The following FAM227A variants were observed in gnomAD, a reference collection of about 807,000 sequenced individuals.
FAM227A encodes the protein family with sequence similarity 227 member A, also known as protein FAM227A.
A neutral mutation model predicts 74.7 loss-of-function variants in FAM227A; 80 were observed. The ratio of observed to expected loss-of-function variants is 1.07; its 90% CI spans 0.89 to 1.29. FAM227A has a LOEUF of 1.29. Among genes scored for constraint, FAM227A ranks in the 50% most tolerant of loss-of-function variants. The pLI is 0.00. For synonymous variants in FAM227A, 237 were observed against 241.8 expected, an observed-to-expected ratio of 0.98 and a Z score of 0.19; for missense variants, 654 against 683.4, an observed-to-expected ratio of 0.96 and a Z score of 0.48.
At chr22:38,639,632 A>C (rs1407292978) in intron 4 of FAM227A, 23 bp downstream of exon 4, 1 of 1,551,084 alleles carries the variant, frequency 6.4e-7, no homozygotes. Flanking sequence ...AAAGAGCATC[A>C]AGGCTGAGGG....
At chr22:38,634,198 G>C (rs895395696) in intron 6 of FAM227A, among the ~76,000 whole-genome samples, 5 of 142,562 alleles carry the variant, frequency 3.5e-5, no homozygotes, top group African/African-American at 1.3e-4. Flanking sequence ...CTCCAGCCTG[G>C]GAGACAGAGC....
At chr22:38,646,469 A>G (rs1254331224) in intron 2 of FAM227A, among the ~76,000 whole-genome samples, 2 of 150,242 alleles carry the variant, frequency 1.3e-5, no homozygotes, top group Non-Finnish European at 3.0e-5. Context: ...TCACCGTTTT[A>G]GCTGGGATGG....
rs139339198 is a variant in FAM227A, at chr22:38,632,530, T to G, written c.520-3595A>C. On this transcript the variant is annotated intron_variant, in intron 6 of 16. Coordinates refer to ENST00000535113, the MANE Select transcript of FAM227A (RefSeq NM_001013647.2). ...TGCCAGCCTCCAGAACTGAAAGAAA[T>G]AAATCTCTGTTCTTTATAAATTACC... 4.0e-3 allele frequency among the ~76,000 whole-genome samples: 603 copies of G among 152,198 alleles called. 2 individuals carry two copies. The highest frequency in any genetic ancestry group is 6.8e-3 in the Middle Eastern group (2 of 294).
At chr22:38,603,726 C>A (rs2146235208) in intron 13 of FAM227A, among the ~76,000 whole-genome samples, 1 of 152,184 alleles carries the variant, frequency 6.6e-6, no homozygotes, top group South Asian at 2.1e-4. Flanking sequence ...ATCAGGCCCC[C>A]AGAGGTCACA....
intron 3 of FAM227A, among the ~76,000 whole-genome samples, chr22:38,642,627 A>G (rs2092141106): frequency 6.6e-6 from 1 of 152,212 alleles, no homozygotes; most frequent in South Asian, 2.1e-4. Context: ...AATCCAACAA[A>G]AGGCTGTTAC....
Position 38,628,890 on chromosome 22 carries a change from A to G in FAM227A, c.565T>C (p.Ser189Pro), listed in dbSNP as rs1220435130. 9.1e-6 allele frequency: 14 copies of G among 1,541,462 alleles called. No individual in the cohort carries two copies. In the East Asian group the frequency reaches 3.4e-4, roughly 38 times the overall value. The change falls in exon 7 of 17, where the codon TCT becomes CCT. Residue 189 changes from serine to proline, a missense_variant. Coordinates refer to ENST00000535113, the MANE Select transcript of FAM227A (RefSeq NM_001013647.2). ...CTATCCAGCCAGATGGCTCTTGGAG[A>G]AGAAGAAGAGAGAAACTTCTCTAAT... ...RELEKFLSSS[S>P]PRAIWLDSFW...
chr22:38,608,842 G>A (rs1270622858), intron 11 of FAM227A, among the ~76,000 whole-genome samples: 1 of 132,848 alleles, frequency 7.5e-6, no homozygotes, highest in African/African-American at 2.9e-5. Flanking sequence ...GTTACTCAGG[G>A]TGGAGTACAA....
intron 3 of FAM227A, among the ~76,000 whole-genome samples, chr22:38,640,943 G>A (rs775127332): frequency 3.2e-4 from 49 of 152,048 alleles, no homozygotes; most frequent in Non-Finnish European, 5.7e-4. Flanking sequence ...GCGGTCACAG[G>A]GGTTAGTCTA....
At chr22:38,654,883 G>A (rs1369449990) in intron 1 of FAM227A, among the ~76,000 whole-genome samples, 3 of 151,536 alleles carry the variant, frequency 2.0e-5, no homozygotes, top group Non-Finnish European at 4.4e-5. Flanking sequence ...AGGAGGCGGA[G>A]CTTGCAGTGA....
chr22:38,620,301 G>A lies in FAM227A; in HGVS notation c.959-10C>T, dbSNP rs1569213995. Reference sequence around the variant, plus strand: ...AAAGAAAACTCTCTCCCTATAGAAGGGGAAAAGCTGTTATTAATTCCTCTT... The same window carrying A: ...AAAGAAAACTCTCTCCCTATAGAAGAGGAAAAGCTGTTATTAATTCCTCTT... On this transcript the variant is annotated splice_polypyrimidine_tract_variant and intron_variant, in intron 10 of 16. Coordinates refer to ENST00000535113, the MANE Select transcript of FAM227A (RefSeq NM_001013647.2). The A allele has an allele frequency of 7.1e-6, 11 of 1,541,062 alleles. No homozygotes were observed. In the East Asian group the frequency reaches 2.7e-4, roughly 38 times the overall value.
In FAM227A at chr22:38,579,730, G is replaced by A. The variant is rs2090689747; in HGVS notation, c.*6395C>T. 1 of 151,896 alleles carries A rather than the reference G, an allele frequency of 6.6e-6. No individual in the cohort carries two copies. The highest frequency in any genetic ancestry group is 2.4e-5 in the African/African-American group (1 of 41,328). 9.4% of individuals were successfully genotyped at this position (151,896 alleles called of 1,614,324 possible). A position where few individuals can be genotyped will look rare whatever the true frequency, so the allele number is the denominator to read the frequency against. On this transcript the variant is annotated 3_prime_UTR_variant, in exon 17 of 17. Transcript: ENST00000535113. ...TTCCATAAATCTTGTAATTCCATCT[G>A]TGAATATTTCAGTATATATCTCTAA...
At chr22:38,628,484 A>T in intron 7 of FAM227A, 142 bp from the exon 8 acceptor site, 1 of 653,174 alleles carries the variant, frequency 1.5e-6, no homozygotes, top group Non-Finnish European at 2.7e-6. Flanking sequence ...TTATGAAATA[A>T]TGTGTTCATT....
chr22:38,636,562 G>C lies in FAM227A; in HGVS notation c.408C>G (p.Tyr136Ter), dbSNP rs1013316695. 6.4e-7 allele frequency: 1 copy of C among 1,551,558 alleles called. No individual in the cohort carries two copies. The highest frequency in any genetic ancestry group is 8.7e-7 in the Non-Finnish European group (1 of 1,146,916). ...TGGAGCTGTTGAAGTTGGAATACTG[G>C]TACAGCTCTGCCAGCAGATTTTTAT... The part of the protein sequence containing the change: ...TADKNLLAEL[Y>*]QYSNFNSSKP... The change falls in exon 6 of 17, where the codon TAC becomes TAG. Residue 136 changes from tyrosine (Y) to a stop codon, truncating the protein, a stop_gained. Coordinates refer to ENST00000535113, the MANE Select transcript of FAM227A (RefSeq NM_001013647.2). LOFTEE classifies it high-confidence loss of function.
At chr22:38,607,549 G>A in intron 11 of FAM227A, 73 bp from the exon 12 acceptor site, 1 of 1,050,022 alleles carries the variant, frequency 9.5e-7, no homozygotes, top group African/African-American at 1.6e-5. Context: ...GGCAGTGAGA[G>A]AAATACAAAA....
At chr22:38,611,059 C>T (rs1314944644) in intron 11 of FAM227A, among the ~76,000 whole-genome samples, 3 of 151,034 alleles carry the variant, frequency 2.0e-5, no homozygotes, top group African/African-American at 4.9e-5. Flanking sequence ...GACTCCGTCT[C>T]GAAAAAAGAA....
At chr22:38,595,976 G>A (rs992095085) in intron 15 of FAM227A, among the ~76,000 whole-genome samples, 2 of 151,018 alleles carry the variant, frequency 1.3e-5, no homozygotes, top group African/African-American at 4.9e-5. Context: ...AATAAGGGGG[G>A]GGGGGCAGGA....
At chr22:38,613,266 CATATATTATATATCAT>C (rs1474032871) in intron 11 of FAM227A, among the ~76,000 whole-genome samples, 2 of 69,368 alleles carry the variant, frequency 2.9e-5, no homozygotes, top group African/African-American at 1.3e-4. Flanking sequence ...TATATTATAA[CATATATTATATATCAT>C]ATATAATATA....
At position 38,584,407 on chromosome 22, in the gene FAM227A, C is replaced by G. The variant is rs569120845; in HGVS notation, c.*1718G>C. The stretch of plus-strand genomic sequence containing the variant: ...TCTAAACCAGACTTAGCAGAGCACT[C>G]AGCACATACTAAGTACTCAATAAAT... On this transcript the variant is annotated 3_prime_UTR_variant, in exon 17 of 17. Coordinates refer to ENST00000535113, the MANE Select transcript of FAM227A (RefSeq NM_001013647.2). The G allele has an allele frequency of 6.6e-6, 1 of 152,260 alleles. No individual in the cohort carries two copies. Among genetic ancestry groups the G allele is most frequent in the Admixed American group, 6.5e-5 (1 of 15,284 alleles). The allele number at this position is 152,260 out of a possible 1,614,324, so 9.4% of individuals were successfully genotyped here. A position where few individuals can be genotyped will look rare whatever the true frequency, so the allele number is the denominator to read the frequency against.
Position 38,656,298 on chromosome 22 carries a change from T to A in FAM227A, c.-273A>T, listed in dbSNP as rs547276227. The A allele has an allele frequency of 6.6e-6, 1 of 152,486 alleles. No individual in the cohort carries two copies. Among genetic ancestry groups the A allele is most frequent in the South Asian group, 2.1e-4 (1 of 4,832 alleles). The allele number at this position is 152,486 out of a possible 1,614,324, so 9.4% of individuals were successfully genotyped here. A position where few individuals can be genotyped will look rare whatever the true frequency, so the allele number is the denominator to read the frequency against. ...GGAGTTGGGGAGAGGCCCATTTTGC[T>A]ACTCTGAGTCCAGGCGTTCTCTAGG... On this transcript the variant is annotated 5_prime_UTR_variant, in exon 1 of 17. An upstream open reading frame in the 5' UTR loses its in-frame stop. Transcript: ENST00000535113.
Sources: allele counts gnomAD v4.1 joint callset (sites outside exome capture counted in the v4.1 genomes callset), GRCh38; gene constraint gnomAD v4.1.1; transcripts MANE v1.5; gene names NCBI Gene and HGNC (gene_info 2026-07-23, HGNC 2026-07-21).